The following ANKRD28 variants were observed in gnomAD, a reference collection of about 807,000 sequenced individuals.
ANKRD28 encodes serine/threonine-protein phosphatase 6 regulatory ankyrin repeat subunit A.
ANKRD28 carries 44 observed loss-of-function variants against 126.5 expected under a neutral mutation model. The ratio of observed to expected loss-of-function variants is 0.35; its 90% CI spans 0.27 to 0.45. The LOEUF is 0.45. Among genes scored for constraint, ANKRD28 ranks in the 20% least tolerant of loss-of-function variants. The pLI, the probability that ANKRD28 is intolerant of heterozygous loss-of-function variation, is 1.00. For synonymous variants in ANKRD28, 442 were observed against 468.5 expected, an observed-to-expected ratio of 0.94 and a Z score of 0.73; for missense variants, 1,110 against 1,316.6, an observed-to-expected ratio of 0.84 and a Z score of 2.43.
chr3:15,799,471 T>C (rs1160782818), upstream of ANKRD28, among the ~76,000 whole-genome samples: 1 of 152,090 alleles, frequency 6.6e-6, no homozygotes, highest in East Asian at 1.9e-4. Flanking sequence ...AATTCATTAG[T>C]TATATTTTAA....
intron 21 of ANKRD28, among the ~76,000 whole-genome samples, chr3:15,681,219 G>A (rs2067509051): frequency 6.6e-6 from 1 of 152,082 alleles, no homozygotes; most frequent in Admixed American, 6.5e-5. Context: ...CAATGTAAAT[G>A]CTATATAAAT....
rs1284604558 is a variant in ANKRD28, at chr3:15,842,334, T to C, written c.27+17043A>G. On this transcript the variant is annotated intron_variant, in intron 1 of 27. Transcript: ENST00000399451. ...CAAAGTTTGCATGTTCTCACTTATTTGTGGAAGCTAAAAATTAAAACAATT... is the reference window on the plus strand; with the variant it reads ...CAAAGTTTGCATGTTCTCACTTATTCGTGGAAGCTAAAAATTAAAACAATT... Among the ~76,000 whole-genome samples the C allele has an allele frequency of 6.6e-5, 10 of 151,962 alleles. No individual in the cohort carries two copies. In the East Asian group the frequency reaches 1.9e-3, roughly 30 times the overall value.
intron 21 of ANKRD28, among the ~76,000 whole-genome samples, chr3:15,680,136 G>A (rs2067386176): frequency 6.6e-6 from 1 of 152,104 alleles, no homozygotes; most frequent in African/African-American, 2.4e-5. Flanking sequence ...GCAATGGGAT[G>A]TTTAATTCCG....
intron 12 of ANKRD28, 139 bp from the exon 13 acceptor site, chr3:15,709,875 T>A: frequency 5.4e-6 from 3 of 557,946 alleles, no homozygotes; most frequent in Non-Finnish European, 9.4e-6. Context: ...CTATGAAGAA[T>A]AAAACATTGA....
chr3:15,679,122 G>GC (rs2067257026), intron 23 of ANKRD28, among the ~76,000 whole-genome samples, 179 bp downstream of exon 23: 1 of 151,478 alleles, frequency 6.6e-6, no homozygotes, highest in Non-Finnish European at 1.5e-5. Context: ...TCACAGGCAT[G>GC]CATCATCATG....
At chr3:15,850,204 A>AAATATATATATATATATATATATATATAT (rs1486394619) in intron 1 of ANKRD28, among the ~76,000 whole-genome samples, 1 of 54,830 alleles carries the variant, frequency 1.8e-5, no homozygotes. Flanking sequence ...AAAAAAAAAA[A>AAATATATATATATATATATATATATATAT]ATATATATAT....
intron 5 of ANKRD28, among the ~76,000 whole-genome samples, chr3:15,736,179 C>T (rs1304189530): frequency 6.6e-6 from 1 of 152,204 alleles, no homozygotes; most frequent in African/African-American, 2.4e-5. Context: ...ACTACAGTTA[C>T]AGTGGGATAT....
intron 5 of ANKRD28, among the ~76,000 whole-genome samples, chr3:15,736,367 T>C (rs962617705): frequency 1.3e-5 from 2 of 152,330 alleles, no homozygotes; most frequent in Middle Eastern, 3.4e-3. Context: ...TCCAGGAACA[T>C]ATCCTCTGTA....
intron 18 of ANKRD28, among the ~76,000 whole-genome samples, chr3:15,687,518 G>C (rs1245036168): frequency 1.3e-5 from 2 of 152,012 alleles, no homozygotes; most frequent in Non-Finnish European, 2.9e-5. Context: ...GAAGTTTAAA[G>C]AAATACATTA....
intron 4 of ANKRD28, among the ~76,000 whole-genome samples, chr3:15,738,136 G>T (rs1221660610): frequency 6.6e-6 from 1 of 152,138 alleles, no homozygotes; most frequent in Non-Finnish European, 1.5e-5. Context: ...TTCTTTCAGT[G>T]ATAATCCTAA....
chr3:15,826,829 C>T (rs775449149), intron 1 of ANKRD28, among the ~76,000 whole-genome samples: 2 of 152,138 alleles, frequency 1.3e-5, no homozygotes, highest in African/African-American at 4.8e-5. Flanking sequence ...ATGACAGCAG[C>T]AGGAACTAAA....
At chr3:15,722,461 T>C (rs995601229) in intron 7 of ANKRD28, among the ~76,000 whole-genome samples, 16 of 152,240 alleles carry the variant, frequency 1.1e-4, no homozygotes, top group African/African-American at 3.9e-4. Context: ...TCTCTTCCTT[T>C]GGCTGATCTC....
chr3:15,804,925 G>A (rs1313552799), intron 1 of ANKRD28, among the ~76,000 whole-genome samples: 1 of 145,094 alleles, frequency 6.9e-6, no homozygotes, highest in Non-Finnish European at 1.5e-5. Flanking sequence ...GGTTTTTATA[G>A]ACAGGCAGAC....
chr3:15,763,731 G>C (rs1416856090), intron 3 of ANKRD28, among the ~76,000 whole-genome samples: 2 of 152,106 alleles, frequency 1.3e-5, no homozygotes, highest in African/African-American at 4.8e-5. Context: ...TTAGAGCAGA[G>C]CAAACAAAAA....
chr3:15,740,713 A>G (rs535353437), intron 4 of ANKRD28, among the ~76,000 whole-genome samples: 2 of 152,394 alleles, frequency 1.3e-5, no homozygotes, highest in South Asian at 2.1e-4. Flanking sequence ...CTTATGTTCC[A>G]TTAGTAAAAA....
At chr3:15,699,333 C>G (rs943832821) in intron 14 of ANKRD28, among the ~76,000 whole-genome samples, 2 of 152,134 alleles carry the variant, frequency 1.3e-5, no homozygotes, top group African/African-American at 4.8e-5. Flanking sequence ...TAGGCATGGG[C>G]AAAGACTTCA....
intron 3 of ANKRD28, among the ~76,000 whole-genome samples, chr3:15,753,504 C>T (rs9843463): frequency 0.041 from 6,216 of 152,226 alleles, 412 homozygotes; most frequent in African/African-American, 0.14. Flanking sequence ...CATATCTATA[C>T]ACAGTAGAAC....
chr3:15,685,992 T>C lies in ANKRD28; in HGVS notation c.2169+10A>G, dbSNP rs778654500. ...AGCTTTTTGAAAGGAAAGAGCATAT[T>C]TCTGCTTACCCCTCTATGCAACGCT... is the stretch of plus-strand genomic sequence containing the variant. On this transcript the variant is annotated intron_variant, in intron 20 of 27. Transcript: ENST00000683139. 9 of 1,608,032 alleles carry C rather than the reference T, an allele frequency of 5.6e-6. No homozygotes were observed. Among genetic ancestry groups the C allele is most frequent in the Non-Finnish European group, 6.8e-6 (8 of 1,175,930 alleles).
intron 27 of ANKRD28, among the ~76,000 whole-genome samples, chr3:15,675,303 TG>T: frequency 6.6e-6 from 1 of 152,056 alleles, no homozygotes; most frequent in Non-Finnish European, 1.5e-5. Context: ...AACAAAAGAA[TG>T]GAAGAATGAG....
Sources: gnomAD v4.1 joint callset for allele counts (sites outside exome capture counted in the v4.1 genomes callset) on GRCh38, gnomAD v4.1.1 for gene constraint, MANE v1.5 for transcripts, NCBI Gene and HGNC (gene_info 2026-07-23, HGNC 2026-07-21) for gene names.